Variants in NCALD observed in about 807,000 individuals in gnomAD.
The protein encoded by NCALD is neurocalcin-delta.
In NCALD, 10 loss-of-function variants were observed where a neutral mutation model predicts 18.6. The observed-to-expected ratio is 0.54, with a 90% CI of 0.33 to 0.91. The LOEUF is 0.91. NCALD is among the 40% of genes least tolerant of loss of function. The pLI, the probability that NCALD is intolerant of heterozygous loss-of-function variation, is 0.03. For synonymous variants in NCALD, 88 were observed against 87.4 expected, an observed-to-expected ratio of 1.01 and a Z score of -0.04; for missense variants, 184 against 247.6, an observed-to-expected ratio of 0.74 and a Z score of 1.72.
chr8:101,862,993 GAAGAA>G (rs1815607505), intron 4 of NCALD, among the ~76,000 whole-genome samples: 1 of 152,188 alleles, frequency 6.6e-6, no homozygotes, highest in African/African-American at 2.4e-5. Flanking sequence ...GAAGGCCCAA[GAAGAA>G]AAGTCAAGTG....
Position 101,689,462 on chromosome 8 carries a change from C to T in NCALD, c.485-56G>A. 2.2e-6 allele frequency: 3 copies of T among 1,366,482 alleles called. No homozygotes were observed. The highest frequency in any genetic ancestry group is 1.4e-5 in the African/African-American group (1 of 69,478). 84.6% of individuals were successfully genotyped at this position (1,366,482 alleles called of 1,614,324 possible). A position where few individuals can be genotyped will look rare whatever the true frequency, so the allele number is the denominator to read the frequency against. On this transcript the variant is annotated intron_variant, in intron 3 of 3. Coordinates refer to ENST00000220931, the MANE Select transcript of NCALD (RefSeq NM_032041.3). The surrounding 1 kb of genome is among the most constrained non-coding windows in gnomAD (Gnocchi z 4.4). ...CTGGTGGCAGCTGCATGAGCTTACA[C>T]CCTTCCCACTACTGCGTGCTGGGCA...
At chr8:102,095,673 C>T (rs80163696) in intron 1 of NCALD, among the ~76,000 whole-genome samples, 13,257 of 151,992 alleles carry the variant, frequency 0.087, 1,545 homozygotes, top group African/African-American at 0.27. Flanking sequence ...GAAACCCAAG[C>T]CAAGACAGTA....
At chr8:101,961,971 A>C (rs545400734) in intron 2 of NCALD, among the ~76,000 whole-genome samples, 1 of 152,328 alleles carries the variant, frequency 6.6e-6, no homozygotes, top group African/African-American at 2.4e-5. Context: ...ATATTTAGTG[A>C]AATTTCAAAA....
chr8:101,694,059 G>A (rs1225377097), intron 2 of NCALD: 1 of 152,210 alleles, frequency 6.6e-6, no homozygotes, highest in Non-Finnish European at 1.5e-5. Flanking sequence ...TTTGACCTCT[G>A]TGGTCAAAGG....
intron 4 of NCALD, among the ~76,000 whole-genome samples, chr8:101,832,549 A>G (rs1814234001): frequency 6.6e-6 from 1 of 152,226 alleles, no homozygotes; most frequent in Non-Finnish European, 1.5e-5. Flanking sequence ...ATTCTGTTGA[A>G]TTTATAGTCT....
intron 2 of NCALD, among the ~76,000 whole-genome samples, chr8:101,928,655 C>T (rs926959490): frequency 1.3e-5 from 2 of 150,294 alleles, no homozygotes; most frequent in Non-Finnish European, 3.0e-5. Flanking sequence ...TCTTCATTAA[C>T]TTTCAGGAGT....
intron 1 of NCALD, among the ~76,000 whole-genome samples, chr8:102,062,858 T>C (rs531339689): frequency 6.6e-6 from 1 of 152,310 alleles, no homozygotes; most frequent in South Asian, 2.1e-4. Flanking sequence ...GCAAGTCACA[T>C]GGCCAAGCCC....
intron 4 of NCALD, among the ~76,000 whole-genome samples, chr8:101,845,981 C>T (rs1406709193): frequency 6.6e-6 from 1 of 152,172 alleles, no homozygotes; most frequent in African/African-American, 2.4e-5. Flanking sequence ...TAATGTTCTG[C>T]ATCCATGTTG....
intron 2 of NCALD, among the ~76,000 whole-genome samples, chr8:101,998,052 C>A (rs927555585): frequency 4.6e-5 from 7 of 152,098 alleles, no homozygotes; most frequent in African/African-American, 1.4e-4. Flanking sequence ...CTGGGGCAAC[C>A]AATAACAGCT....
intron 2 of NCALD, among the ~76,000 whole-genome samples, chr8:101,917,417 C>A (rs1233735177): frequency 1.3e-5 from 2 of 151,922 alleles, no homozygotes; most frequent in Non-Finnish European, 2.9e-5. Context: ...TAACATCAAA[C>A]CTAGAGGATC....
At chr8:101,928,898 T>G (rs1448267022) in intron 2 of NCALD, among the ~76,000 whole-genome samples, 3 of 152,026 alleles carry the variant, frequency 2.0e-5, no homozygotes, top group Admixed American at 2.0e-4. Context: ...TAAAATATAT[T>G]GTGTACTGGG....
intron 1 of NCALD, among the ~76,000 whole-genome samples, chr8:102,028,481 A>G (rs1822542731): frequency 6.6e-6 from 1 of 152,364 alleles, no homozygotes; most frequent in South Asian, 2.1e-4. Flanking sequence ...TGAGGGGGAA[A>G]CAATGCCTGC....
intron 4 of NCALD, among the ~76,000 whole-genome samples, chr8:101,803,653 C>A (rs557852872): frequency 1.8e-4 from 27 of 152,120 alleles, no homozygotes; most frequent in Admixed American, 3.3e-4. Flanking sequence ...TGGGAGGAGG[C>A]CAAAATATCA....
At chr8:101,909,845 C>T (rs1817729957) in intron 3 of NCALD, among the ~76,000 whole-genome samples, 1 of 152,102 alleles carries the variant, frequency 6.6e-6, no homozygotes, top group South Asian at 2.1e-4. Context: ...CAGAGATTGA[C>T]ATTTCCGTTT....
At position 102,087,987 on chromosome 8, in the gene NCALD, G is replaced by T. The variant is rs937376200; in HGVS notation, c.-210+36250C>A. On this transcript the variant is annotated intron_variant, in intron 1 of 6. Coordinates refer to the NCALD transcript ENST00000311028. Reference sequence around the variant, plus strand: ...TCTCCTCTGTAAAGTTTTGATTAATGGGAAAAAAAAGGATTTGTGAGGCTA... The same window carrying T: ...TCTCCTCTGTAAAGTTTTGATTAATTGGAAAAAAAAGGATTTGTGAGGCTA... Among the ~76,000 whole-genome samples, 13 of 39,184 alleles carry T rather than the reference G, an allele frequency of 3.3e-4. No homozygotes were observed. The South Asian group carries it at 4.1e-3, about 12-fold the overall frequency. The allele number at this position is 39,184 out of a possible 152,430, so 25.7% of individuals were successfully genotyped here. A position where few individuals can be genotyped will look rare whatever the true frequency, so the allele number is the denominator to read the frequency against.
chr8:102,042,186 G>A (rs1000292188), intron 1 of NCALD, among the ~76,000 whole-genome samples: 1 of 151,902 alleles, frequency 6.6e-6, no homozygotes, highest in African/African-American at 2.4e-5. Context: ...AGACTCCAAG[G>A]CAGAATTTCA....
intron 1 of NCALD, among the ~76,000 whole-genome samples, chr8:102,079,240 C>T (rs1824446754): frequency 6.6e-6 from 1 of 152,206 alleles, no homozygotes; most frequent in South Asian, 2.1e-4. Context: ...CACTGAGTAC[C>T]AACTTAGACC....
chr8:101,767,178 TCA>T (rs1346036139), intron 1 of NCALD, among the ~76,000 whole-genome samples: 1 of 152,206 alleles, frequency 6.6e-6, no homozygotes, highest in Non-Finnish European at 1.5e-5. Context: ...TTTAGCAGTC[TCA>T]GTTTGGTTAT....
intron 2 of NCALD, among the ~76,000 whole-genome samples, chr8:102,004,101 A>G (rs1470247965): frequency 6.6e-6 from 1 of 151,544 alleles, no homozygotes; most frequent in Non-Finnish European, 1.5e-5. Context: ...CCCTGTTTGC[A>G]GACGACATGA....
Sources: allele counts gnomAD v4.1 joint callset (sites outside exome capture counted in the v4.1 genomes callset), GRCh38; gene constraint gnomAD v4.1.1; non-coding constraint Gnocchi (gnomAD v3.1); transcripts MANE v1.5; gene names NCBI Gene and HGNC (gene_info 2026-07-23, HGNC 2026-07-21).